THSD7B: variants seen among roughly 807,000 people sequenced by gnomAD.
THSD7B encodes thrombospondin type 1 domain containing 7B.
A neutral mutation model predicts 213.6 loss-of-function variants in THSD7B; 138 were observed. The observed-to-expected ratio is 0.65, with a 90% CI of 0.56 to 0.74. The LOEUF (loss-of-function observed/expected upper bound fraction) is 0.74, where lower values mean the gene tolerates loss of function less well. THSD7B is among the 30% of genes least tolerant of loss of function. The pLI, the probability that THSD7B is intolerant of heterozygous loss-of-function variation, is 0.00. For synonymous variants in THSD7B, 742 were observed against 687.0 expected (o/e 1.08, Z -1.25); for missense variants, 1,931 against 1,991.5 (o/e 0.97, Z 0.58).
chr2:137,377,597 T>A (rs1467389711), intron 12 of THSD7B, among the ~76,000 whole-genome samples: 1 of 151,808 alleles, frequency 6.6e-6, no homozygotes, highest in Non-Finnish European at 1.5e-5. Flanking sequence ...AAATTATGAA[T>A]TTTTTTTGCA....
intron 15 of THSD7B, among the ~76,000 whole-genome samples, chr2:137,490,242 A>G (rs1233909287): frequency 1.3e-5 from 2 of 152,206 alleles, no homozygotes; most frequent in East Asian, 3.9e-4. Flanking sequence ...TTGATAAGAC[A>G]GTGACTCTTC....
chr2:136,912,908 A>T (rs2105025548), intron 2 of THSD7B, among the ~76,000 whole-genome samples: 2 of 152,304 alleles, frequency 1.3e-5, no homozygotes, highest in Middle Eastern at 3.4e-3. Context: ...AATTGGTACC[A>T]GTAGAGTGGG....
At chr2:137,281,482 T>G (rs1683011410) in intron 12 of THSD7B, among the ~76,000 whole-genome samples, 2 of 152,082 alleles carry the variant, frequency 1.3e-5, no homozygotes, top group African/African-American at 4.8e-5. Context: ...TATGTATACA[T>G]GTGCCATGTT....
intron 12 of THSD7B, among the ~76,000 whole-genome samples, chr2:137,386,454 G>A (rs1685895742): frequency 6.6e-6 from 1 of 151,640 alleles, no homozygotes; most frequent in Admixed American, 6.5e-5. Flanking sequence ...TACAGGACAG[G>A]AAGCTTTATA....
chr2:136,915,914 A>G (rs982000262), intron 2 of THSD7B, among the ~76,000 whole-genome samples: 4 of 152,236 alleles, frequency 2.6e-5, no homozygotes, highest in Admixed American at 2.6e-4. Flanking sequence ...CAGGTCTGTA[A>G]GTTTATGTTA....
At chr2:137,257,096 A>G (rs187316023) in intron 10 of THSD7B, among the ~76,000 whole-genome samples, 78 of 152,312 alleles carry the variant, frequency 5.1e-4, no homozygotes, top group African/African-American at 1.9e-3. Flanking sequence ...CCGTAATCCC[A>G]TTAATCCATA....
At chr2:136,815,743 A>C (rs957211586) in intron 1 of THSD7B, among the ~76,000 whole-genome samples, 1 of 152,224 alleles carries the variant, frequency 6.6e-6, no homozygotes, top group African/African-American at 2.4e-5. Flanking sequence ...TTAAGTTATA[A>C]GTTGAGTTGG....
intron 1 of THSD7B, among the ~76,000 whole-genome samples, chr2:136,818,727 G>A (rs1006319181): frequency 5.9e-5 from 9 of 152,198 alleles, no homozygotes; most frequent in African/African-American, 2.2e-4. Context: ...TGGTTAACAT[G>A]AGTGTTAAGG....
At chr2:137,112,843 G>A (rs1032368231) in intron 4 of THSD7B, among the ~76,000 whole-genome samples, 2 of 151,938 alleles carry the variant, frequency 1.3e-5, no homozygotes, top group African/African-American at 4.8e-5. Flanking sequence ...GATGCAAGAA[G>A]AAAGGGAATG....
In THSD7B at chr2:137,076,850, G is replaced by C. The variant is rs544374290; in HGVS notation, c.951-18023G>C. 1.6e-3 allele frequency among the ~76,000 whole-genome samples: 240 copies of C among 151,982 alleles called. 1 individual carries two copies. The highest frequency in any genetic ancestry group is 3.1e-3 in the Non-Finnish European group (209 of 67,966). ...TTAATCTTTTTTTATTATAGTTTAA[G>C]TTTTAGGGTACATGTGCACAATGTG... On this transcript the variant is annotated intron_variant, in intron 3 of 27. Coordinates refer to ENST00000409968, the MANE Select transcript of THSD7B (RefSeq NM_001316349.2).
At chr2:136,912,810 T>C (rs889216727) in intron 2 of THSD7B, among the ~76,000 whole-genome samples, 2 of 152,196 alleles carry the variant, frequency 1.3e-5, no homozygotes, top group African/African-American at 4.8e-5. Context: ...TCCCCAGTCA[T>C]GTGGAACAGT....
rs150763270 is a variant in THSD7B, at chr2:137,561,231, A to C, written c.3139-1990A>C. On this transcript the variant is annotated intron_variant, in intron 15 of 27. Coordinates refer to ENST00000409968, the MANE Select transcript of THSD7B (RefSeq NM_001316349.2). ...GAATATAAGCAAGAAACCAATATAC[A>C]ATCAGGTGGTCAAATGTTTATACCA... 6.0e-3 allele frequency among the ~76,000 whole-genome samples: 915 copies of C among 152,240 alleles called. 8 individuals carry two copies. The highest frequency in any genetic ancestry group is 0.021 in the African/African-American group (885 of 41,532).
intron 3 of THSD7B, among the ~76,000 whole-genome samples, chr2:137,076,138 C>A (rs1687617572): frequency 2.0e-5 from 3 of 152,224 alleles, no homozygotes; most frequent in African/African-American, 7.2e-5. Context: ...TTTAAGTCTG[C>A]AGAGGTTACT....
intron 12 of THSD7B, among the ~76,000 whole-genome samples, chr2:137,348,434 AT>A (rs1684929067): frequency 6.6e-6 from 1 of 151,638 alleles, no homozygotes; most frequent in Non-Finnish European, 1.5e-5. Context: ...TGTTCAATCC[AT>A]TTTGTTGGCC....
intron 5 of THSD7B, among the ~76,000 whole-genome samples, chr2:137,143,282 G>T (rs1350495391): frequency 6.6e-6 from 1 of 152,124 alleles, no homozygotes; most frequent in African/African-American, 2.4e-5. Context: ...CCCAGTTTTT[G>T]TGTGTGTAAA....
intron 1 of THSD7B, among the ~76,000 whole-genome samples, chr2:136,796,809 A>C (rs896190829): frequency 2.8e-4 from 43 of 151,968 alleles, no homozygotes; most frequent in African/African-American, 9.7e-4. Flanking sequence ...CTCCTTAAAA[A>C]GCTTCCATTT....
chr2:136,864,322 A>T (rs1382897258), intron 1 of THSD7B, among the ~76,000 whole-genome samples: 1 of 152,184 alleles, frequency 6.6e-6, no homozygotes, highest in East Asian at 1.9e-4. Context: ...GCAAAATTCA[A>T]GTAGTCTGAA....
chr2:137,362,541 C>G (rs1488858604), intron 12 of THSD7B, among the ~76,000 whole-genome samples: 4 of 152,058 alleles, frequency 2.6e-5, no homozygotes, highest in African/African-American at 9.7e-5. Context: ...GGAGGAAGAT[C>G]TGCCAAGCAA....
intron 14 of THSD7B, among the ~76,000 whole-genome samples, chr2:137,425,074 A>AAATAATAAT (rs539396572): frequency 1.5e-4 from 12 of 77,886 alleles, no homozygotes; most frequent in African/African-American, 4.3e-4. Flanking sequence ...TCTGTCTCAA[A>AAATAATAAT]AATAATAATA....
Sources: allele counts gnomAD v4.1 joint callset (sites outside exome capture counted in the v4.1 genomes callset), GRCh38; gene constraint gnomAD v4.1.1; transcripts MANE v1.5; gene names NCBI Gene and HGNC (gene_info 2026-07-23, HGNC 2026-07-21).